NME7: variants seen among roughly 807,000 people sequenced by gnomAD.
NME7 encodes nucleoside diphosphate kinase 7.
A neutral mutation model predicts 49.1 loss-of-function variants in NME7; 41 were observed. The ratio of observed to expected loss-of-function variants is 0.83; its 90% CI spans 0.65 to 1.08. The LOEUF (loss-of-function observed/expected upper bound fraction) is 1.08. Among genes scored for constraint, NME7 ranks in the 50% least tolerant of loss-of-function variants. The pLI is 0.00. For synonymous variants in NME7, 139 were observed against 150.6 expected, an observed-to-expected ratio of 0.92 and a Z score of 0.56; for missense variants, 423 against 463.4, an observed-to-expected ratio of 0.91 and a Z score of 0.80.
intron 10 of NME7, among the ~76,000 whole-genome samples, chr1:169,227,099 G>A (rs962867978): frequency 1.1e-4 from 16 of 152,202 alleles, no homozygotes; most frequent in African/African-American, 3.4e-4. Flanking sequence ...CTCAGTAAAT[G>A]TTCCTTGAAT....
Position 169,324,493 on chromosome 1 carries a change from C to A in NME7, c.11G>T (p.Ser4Ile). Residue 4 changes from serine to isoleucine, a missense_variant, in exon 2 of 12, where the codon AGT (serine) becomes ATT (isoleucine). Coordinates refer to ENST00000367811, the MANE Select transcript of NME7 (RefSeq NM_013330.5). ...CTCTGCAATGAAAACGAATCTTTCA[C>A]TATGATTCTGCAAAGAAAGACAGAA... MNH[S>I]ERFVFIAEWY... The A allele has an allele frequency of 6.3e-7, 1 of 1,597,216 alleles. No homozygotes were observed. Among genetic ancestry groups the A allele is most frequent in the Non-Finnish European group, 8.6e-7 (1 of 1,165,128 alleles).
chr1:169,199,450 TTTATTATTATTATTATTATTA>T (rs150975177), intron 10 of NME7, among the ~76,000 whole-genome samples: 2 of 111,558 alleles, frequency 1.8e-5, no homozygotes, highest in African/African-American at 6.7e-5. Flanking sequence ...CAGGGTCTTT[TTTATTATTATTATTATTATTA>T]TTATTATTAT....
intron 1 of NME7, among the ~76,000 whole-genome samples, chr1:169,333,492 G>T (rs1652338364): frequency 8.7e-6 from 1 of 114,756 alleles, no homozygotes; most frequent in South Asian, 2.3e-4. Context: ...GTAACAAAAG[G>T]ATATCAAAAG....
chr1:169,337,021 T>A (rs976239943), intron 1 of NME7, among the ~76,000 whole-genome samples: 1 of 152,228 alleles, frequency 6.6e-6, no homozygotes, highest in South Asian at 2.1e-4. Context: ...ACCCAGTGGA[T>A]CCCGCACCGG....
chr1:169,253,598 T>C (rs547988254), intron 7 of NME7, among the ~76,000 whole-genome samples: 1 of 152,184 alleles, frequency 6.6e-6, no homozygotes, highest in African/African-American at 2.4e-5. Context: ...TCAAACACTA[T>C]GTTGAATAGG....
Position 169,273,556 on chromosome 1 carries a change from A to G in NME7, c.754+13747T>C, listed in dbSNP as rs1429357895. 3.2e-3 allele frequency among the ~76,000 whole-genome samples: 391 copies of G among 120,390 alleles called. 1 individual carries two copies. Among genetic ancestry groups the G allele is most frequent in the Non-Finnish European group, 5.4e-3 (267 of 49,614 alleles). 79.0% of individuals were successfully genotyped at this position (120,390 alleles called of 152,430 possible). A position where few individuals can be genotyped will look rare whatever the true frequency, so the allele number is the denominator to read the frequency against. ...TACATGTGCCATGCTGGTGTGCTGCACCCATTGACTCGTCATTTAGCATTA... is the reference window on the plus strand; with the variant it reads ...TACATGTGCCATGCTGGTGTGCTGCGCCCATTGACTCGTCATTTAGCATTA... On this transcript the variant is annotated intron_variant, in intron 7 of 11. Coordinates refer to ENST00000367811, the MANE Select transcript of NME7 (RefSeq NM_013330.5).
intron 4 of NME7, among the ~76,000 whole-genome samples, chr1:169,308,837 G>T (rs1265998966): frequency 6.6e-6 from 1 of 151,996 alleles, no homozygotes; most frequent in Non-Finnish European, 1.5e-5. Flanking sequence ...TGGTCAAACA[G>T]GTTGTACTGC....
rs775252866 is a variant in NME7 at position 169,287,380 on chromosome 1, C to T, written c.677G>A (p.Gly226Glu). Residue 226 changes from glycine to glutamate, a missense_variant, in exon 7 of 12, where the codon GGA (glycine) becomes GAA (glutamate). Physicochemically the swap from Gly to Glu is moderately conservative, Grantham distance 98 (BLOSUM62 -2). Coordinates refer to ENST00000367811, the MANE Select transcript of NME7 (RefSeq NM_013330.5). Reference sequence around the variant, plus strand: ...AGCAGTGTTTGCCGGCCCACAACCTCCACTTGAAGGAAAAAACAACTCCAT... The same window carrying T: ...AGCAGTGTTTGCCGGCCCACAACCTTCACTTGAAGGAAAAAACAACTCCAT... ...REMELFFPSS[G>E]GCGPANTAKF... The T allele has an allele frequency of 1.9e-6, 3 of 1,597,184 alleles. No individual in the cohort carries two copies. The African/African-American group carries it at 4.0e-5, about 22-fold the overall frequency.
chr1:169,256,985 T>G (rs1229927751), intron 7 of NME7, among the ~76,000 whole-genome samples: 1 of 127,902 alleles, frequency 7.8e-6, no homozygotes, highest in African/African-American at 2.6e-5. Context: ...GACAGCGACA[T>G]TTAAGTCTGC....
At chr1:169,283,213 T>C (rs914509083) in intron 7 of NME7, among the ~76,000 whole-genome samples, 9 of 152,166 alleles carry the variant, frequency 5.9e-5, no homozygotes, top group Admixed American at 3.3e-4. Context: ...CCCTTCTTTG[T>C]CTCTTTTTAT....
chr1:169,233,380 T>C (rs1451874359), intron 9 of NME7, among the ~76,000 whole-genome samples: 1 of 152,032 alleles, frequency 6.6e-6, no homozygotes, highest in Non-Finnish European at 1.5e-5. Flanking sequence ...ATATAAAGAC[T>C]TTGAGGCAGA....
rs1204090769 is a variant in NME7 at position 169,272,549 on chromosome 1, G to T, written c.754+14754C>A. On this transcript the variant is annotated intron_variant, in intron 7 of 11. Transcript: ENST00000367811. ...TGGTAAGTGAAAACATGCAGTGTTTGGTTTTCTGTTCCTGAGTCAGTTTGC... is the reference window on the plus strand; with the variant it reads ...TGGTAAGTGAAAACATGCAGTGTTTTGTTTTCTGTTCCTGAGTCAGTTTGC... 3.9e-5 allele frequency among the ~76,000 whole-genome samples: 5 copies of T among 128,226 alleles called. 1 individual carries two copies. Among genetic ancestry groups the T allele is most frequent in the Admixed American group, 7.9e-5 (1 of 12,724 alleles). The allele number at this position is 128,226 out of a possible 152,430, so 84.1% of individuals were successfully genotyped here.
intron 7 of NME7, among the ~76,000 whole-genome samples, chr1:169,247,635 CT>C (rs1186137249): frequency 6.6e-6 from 1 of 152,040 alleles, no homozygotes; most frequent in Non-Finnish European, 1.5e-5. Context: ...CCTCACCCCC[CT>C]CAACCCTCCC....
chr1:169,282,653 C>T (rs900828696), intron 7 of NME7, among the ~76,000 whole-genome samples: 29 of 151,994 alleles, frequency 1.9e-4, no homozygotes, highest in African/African-American at 6.5e-4. Flanking sequence ...GATGTATCTT[C>T]GTTCTCATTG....
chr1:169,313,348 C>T (rs986444305), intron 3 of NME7, among the ~76,000 whole-genome samples: 2 of 152,016 alleles, frequency 1.3e-5, no homozygotes, highest in African/African-American at 4.8e-5. Flanking sequence ...AGAGATGATC[C>T]TTCCTAAAAT....
At chr1:169,334,964 A>T (rs1156600577) in intron 1 of NME7, among the ~76,000 whole-genome samples, 3 of 152,216 alleles carry the variant, frequency 2.0e-5, no homozygotes, top group Non-Finnish European at 4.4e-5. Context: ...CATGAAAAAA[A>T]GCTCAACATC....
intron 11 of NME7, among the ~76,000 whole-genome samples, chr1:169,139,396 T>C (rs1443899105): frequency 6.6e-6 from 1 of 152,184 alleles, no homozygotes; most frequent in East Asian, 1.9e-4. Flanking sequence ...ACATATCACT[T>C]TGTTAAATGT....
At chr1:169,207,714 G>A (rs1660711717) in intron 10 of NME7, among the ~76,000 whole-genome samples, 1 of 152,024 alleles carries the variant, frequency 6.6e-6, no homozygotes, top group South Asian at 2.1e-4. Flanking sequence ...ACAGGACAAT[G>A]TTACTTTCTA....
At chr1:169,180,584 G>A (rs949694909) in intron 10 of NME7, among the ~76,000 whole-genome samples, 8 of 152,108 alleles carry the variant, frequency 5.3e-5, no homozygotes, top group African/African-American at 1.9e-4. Context: ...TCCAGACCAA[G>A]GTGAGCATTT....
Sources: allele counts gnomAD v4.1 joint callset (sites outside exome capture counted in the v4.1 genomes callset), GRCh38; gene constraint gnomAD v4.1.1; transcripts MANE v1.5; gene names NCBI Gene and HGNC (gene_info 2026-07-23, HGNC 2026-07-21).